EDAR: variants seen among roughly 807,000 people sequenced by gnomAD.
EDAR encodes ectodysplasin A receptor, also known as tumor necrosis factor receptor superfamily member EDAR.
Under a neutral mutation model 51.3 loss-of-function variants are expected in EDAR, and 38 were observed. The observed-to-expected ratio is 0.74, with a 90% CI of 0.57 to 0.97. EDAR has a LOEUF of 0.97. Ranked by LOEUF, EDAR falls within the 50% of genes least tolerant of loss-of-function variation. The probability of loss-of-function intolerance (pLI) is 0.00; values close to 1 mark genes in which losing one functional copy is unlikely to be tolerated. For synonymous variants in EDAR, 227 were observed against 242.1 expected, an observed-to-expected ratio of 0.94 and a Z score of 0.58; for missense variants, 528 against 595.0, an observed-to-expected ratio of 0.89 and a Z score of 1.17.
intron 1 of EDAR, among the ~76,000 whole-genome samples, chr2:108,931,369 G>A (rs1396195198): frequency 6.6e-6 from 1 of 152,222 alleles, no homozygotes; most frequent in Non-Finnish European, 1.5e-5. Flanking sequence ...TAAGTCTGGA[G>A]TCCTCCAGGC....
intron 5 of EDAR, among the ~76,000 whole-genome samples, chr2:108,914,175 G>T (rs565406930): frequency 3.3e-5 from 5 of 151,726 alleles, no homozygotes; most frequent in Non-Finnish European, 7.4e-5. Context: ...TAGGAGAATC[G>T]CTTGAACCCG....
chr2:108,898,421 A>T (rs900642551), intron 11 of EDAR, among the ~76,000 whole-genome samples: 1 of 152,222 alleles, frequency 6.6e-6, no homozygotes, highest in Non-Finnish European at 1.5e-5. Flanking sequence ...TTCACCCAAC[A>T]GTAGCAAGAC....
intron 1 of EDAR, among the ~76,000 whole-genome samples, chr2:108,965,464 CAAA>C (rs71383817): frequency 7.3e-6 from 1 of 137,388 alleles, no homozygotes; most frequent in Admixed American, 7.3e-5. Flanking sequence ...GATTTCGTCT[CAAA>C]AAAAAAAAAA....
At chr2:108,926,504 A>G (rs961922189) in intron 4 of EDAR, among the ~76,000 whole-genome samples, 1 of 152,012 alleles carries the variant, frequency 6.6e-6, no homozygotes, top group Non-Finnish European at 1.5e-5. Flanking sequence ...TTTTCCTCCA[A>G]CCGTGTTGGT....
At chr2:108,938,895 T>C (rs1352441731) in intron 1 of EDAR, among the ~76,000 whole-genome samples, 1 of 141,388 alleles carries the variant, frequency 7.1e-6, no homozygotes, top group Admixed American at 7.7e-5. Context: ...TTCTCCTGCC[T>C]CAGCCTCTCG....
chr2:108,920,653 G>A (rs576847579), intron 5 of EDAR, among the ~76,000 whole-genome samples: 3 of 152,310 alleles, frequency 2.0e-5, no homozygotes, highest in South Asian at 2.1e-4. Context: ...GCAATCTGAC[G>A]CCTGTCCTCT....
chr2:108,961,051 C>T (rs975586613), intron 1 of EDAR, among the ~76,000 whole-genome samples: 1 of 152,172 alleles, frequency 6.6e-6, no homozygotes, highest in African/African-American at 2.4e-5. Flanking sequence ...AGAGGCCAGG[C>T]GTATAAATGA....
chr2:108,967,704 C>T (rs892706316), intron 1 of EDAR, among the ~76,000 whole-genome samples: 17 of 152,088 alleles, frequency 1.1e-4, no homozygotes, highest in Non-Finnish European at 2.4e-4. Flanking sequence ...AATTTCTTTT[C>T]CCCTTATCCC....
chr2:108,931,811 T>C (rs1439951458), intron 1 of EDAR, among the ~76,000 whole-genome samples: 1 of 152,184 alleles, frequency 6.6e-6, no homozygotes. Context: ...AGTCTGGGTA[T>C]TAATTAGCCT....
At chr2:108,936,802 T>C (rs1697477996) in intron 1 of EDAR, among the ~76,000 whole-genome samples, 2 of 152,230 alleles carry the variant, frequency 1.3e-5, no homozygotes, top group Admixed American at 1.3e-4. Flanking sequence ...TTTCCACTTC[T>C]GCTTTAGTCG....
intron 1 of EDAR, among the ~76,000 whole-genome samples, chr2:108,936,146 C>T (rs536188363): frequency 2.1e-4 from 32 of 152,368 alleles, no homozygotes; most frequent in Middle Eastern, 3.4e-3. Context: ...GACGGTGCTA[C>T]CTCTTCCAAA....
Position 108,929,207 on chromosome 2 carries a change from C to A in EDAR, c.347G>T (p.Cys116Phe), listed in dbSNP as rs1446951406. The change falls in exon 4 of 12, where the codon TGC (cysteine) becomes TTC (phenylalanine). Residue 116 changes from cysteine (C) to phenylalanine (F), a missense_variant. By Grantham distance (205) the Cys-to-Phe change is radical (BLOSUM62 -2). Coordinates refer to ENST00000258443, the MANE Select transcript of EDAR (RefSeq NM_022336.4). ...DMENDAECGP[C>F]LPGYYMLENR... ...GAGGGCCTGTGCTTACCCAGGGAGGCAAGGGCCACACTCAGCGTCATTCTC... is the reference window on the plus strand; with the variant it reads ...GAGGGCCTGTGCTTACCCAGGGAGGAAAGGGCCACACTCAGCGTCATTCTC... 6.2e-7 allele frequency: 1 copy of A among 1,614,042 alleles called. No homozygotes were observed. Among genetic ancestry groups the A allele is most frequent in the South Asian group, 1.1e-5 (1 of 91,086 alleles).
chr2:108,969,161 C>T (rs1319211544), intron 1 of EDAR, among the ~76,000 whole-genome samples: 1 of 152,110 alleles, frequency 6.6e-6, no homozygotes, highest in Non-Finnish European at 1.5e-5. Flanking sequence ...GGCACCTCTG[C>T]TCTATGGCTG....
At chr2:108,919,062 G>A (rs547177924) in intron 5 of EDAR, among the ~76,000 whole-genome samples, 19 of 152,236 alleles carry the variant, frequency 1.2e-4, no homozygotes, top group Non-Finnish European at 2.6e-4. Flanking sequence ...TTGCTCAGCG[G>A]GTCCCTGGAG....
chr2:108,938,699 GA>G (rs1375697826), intron 1 of EDAR, among the ~76,000 whole-genome samples: 1 of 152,072 alleles, frequency 6.6e-6, no homozygotes, highest in Non-Finnish European at 1.5e-5. Flanking sequence ...AAAATTGAGG[GA>G]AAGCATTTTC....
intron 1 of EDAR, among the ~76,000 whole-genome samples, chr2:108,959,089 C>G (rs1466236782): frequency 6.6e-6 from 1 of 152,250 alleles, no homozygotes; most frequent in East Asian, 1.9e-4. Context: ...TGTATCAACA[C>G]CAGTTCTCTG....
rs950564775 is a variant in EDAR, at chr2:108,980,751, C to T, written c.-19+8209G>A. On this transcript the variant is annotated intron_variant, in intron 1 of 11. Transcript: ENST00000258443. ...GCGTTTTGGGCAGAGGGAACAAATG[C>T]GGCAGCCCTGAGCTTGAATCAGTGT... Among the ~76,000 whole-genome samples, 5 of 152,030 alleles carry T rather than the reference C, an allele frequency of 3.3e-5. No homozygotes were observed. In the East Asian group the frequency reaches 9.6e-4, roughly 29 times the overall value.
At chr2:108,959,078 G>A (rs771157862) in intron 1 of EDAR, among the ~76,000 whole-genome samples, 3 of 152,224 alleles carry the variant, frequency 2.0e-5, no homozygotes, top group African/African-American at 4.8e-5. Flanking sequence ...CCAGAAAAAC[G>A]TGTATCAACA....
At chr2:108,951,048 G>T (rs1205351932) in intron 1 of EDAR, among the ~76,000 whole-genome samples, 2 of 152,240 alleles carry the variant, frequency 1.3e-5, no homozygotes, top group African/African-American at 4.8e-5. Flanking sequence ...CACTTGTGAG[G>T]CATGCCTCTC....
Sources: gnomAD v4.1 joint callset for allele counts (sites outside exome capture counted in the v4.1 genomes callset) on GRCh38, gnomAD v4.1.1 for gene constraint, MANE v1.5 for transcripts, NCBI Gene and HGNC (gene_info 2026-07-23, HGNC 2026-07-21) for gene names.